Variants in NKAIN3 observed in about 807,000 individuals in gnomAD.
NKAIN3 encodes sodium/potassium transporting ATPase interacting 3.
In NKAIN3, 25 loss-of-function variants were observed where a neutral mutation model predicts 30.2. The observed-to-expected ratio is 0.83, with a 90% confidence interval of 0.60 to 1.16. NKAIN3 has a LOEUF of 1.16. Ranked by LOEUF, NKAIN3 falls within the 50% of genes most tolerant of loss-of-function variation. The pLI, the probability that NKAIN3 is intolerant of heterozygous loss-of-function variation, is 0.00. For synonymous variants in NKAIN3, 91 were observed against 89.6 expected (o/e 1.02, Z -0.09); for missense variants, 225 against 254.1 (o/e 0.89, Z 0.78).
intron 3 of NKAIN3, among the ~76,000 whole-genome samples, chr8:62,659,514 C>T (rs899256992): frequency 6.6e-6 from 1 of 152,192 alleles, no homozygotes; most frequent in Non-Finnish European, 1.5e-5. Flanking sequence ...GACATAGCAC[C>T]TCTGCTTTTG....
chr8:62,906,218 A>G (rs1821771852), intron 4 of NKAIN3, among the ~76,000 whole-genome samples: 1 of 152,230 alleles, frequency 6.6e-6, no homozygotes, highest in Non-Finnish European at 1.5e-5. Context: ...ACAGTAATAG[A>G]CTAATTTGTT....
chr8:62,963,781 G>A (rs553469097), intron 6 of NKAIN3, among the ~76,000 whole-genome samples: 2 of 152,308 alleles, frequency 1.3e-5, no homozygotes, highest in East Asian at 3.9e-4. Context: ...AGGCCTGGAG[G>A]ATTCCCACTC....
In NKAIN3 at chr8:62,270,814, T is replaced by A. The variant is rs1387043055; in HGVS notation, c.54+21687T>A. ...CACATGTAAGTGCGAGCATGTGGCA[T>A]TTGCGTTTCTGTGCCTAGCTCATTT... On this transcript the variant is annotated intron_variant, in intron 1 of 6. Coordinates refer to ENST00000623646, the MANE Select transcript of NKAIN3 (RefSeq NM_001304533.3). 1.5e-4 allele frequency among the ~76,000 whole-genome samples: 23 copies of A among 152,202 alleles called. 1 individual carries two copies. Among genetic ancestry groups the A allele is most frequent in the Middle Eastern group, 6.3e-3 (2 of 316 alleles).
chr8:62,268,127 T>C (rs1812663537), intron 1 of NKAIN3, among the ~76,000 whole-genome samples: 1 of 152,200 alleles, frequency 6.6e-6, no homozygotes, highest in East Asian at 1.9e-4. Context: ...TCAACAGTGG[T>C]AGGGCTCCCA....
intron 1 of NKAIN3, among the ~76,000 whole-genome samples, chr8:62,467,641 A>C (rs986685860): frequency 2.6e-5 from 4 of 152,218 alleles, no homozygotes; most frequent in African/African-American, 9.6e-5. Context: ...ATCATATAAA[A>C]TAGGTTGTGT....
intron 5 of NKAIN3, among the ~76,000 whole-genome samples, chr8:62,920,692 A>C (rs1822251908): frequency 6.6e-6 from 1 of 152,194 alleles, no homozygotes; most frequent in Non-Finnish European, 1.5e-5. Flanking sequence ...CTATTCTATT[A>C]GTGGTTTAAT....
intron 4 of NKAIN3, among the ~76,000 whole-genome samples, chr8:62,848,238 A>G (rs2130769281): frequency 6.6e-6 from 1 of 152,202 alleles, no homozygotes; most frequent in East Asian, 1.9e-4. Context: ...TAATGGGAGT[A>G]GCACTGAATC....
intron 5 of NKAIN3, among the ~76,000 whole-genome samples, chr8:62,998,809 C>T (rs1011302315): frequency 2.6e-5 from 4 of 152,070 alleles, no homozygotes; most frequent in African/African-American, 9.7e-5. Flanking sequence ...CATCACAATC[C>T]CACCACCTCA....
At chr8:62,861,280 A>C (rs1820231780) in intron 4 of NKAIN3, among the ~76,000 whole-genome samples, 1 of 152,224 alleles carries the variant, frequency 6.6e-6, no homozygotes, top group African/African-American at 2.4e-5. Flanking sequence ...ATGACTGAGT[A>C]ACTCCTCGAG....
chr8:62,533,457 A>G (rs972068971), intron 1 of NKAIN3, among the ~76,000 whole-genome samples: 25 of 150,742 alleles, frequency 1.7e-4, no homozygotes, highest in African/African-American at 6.1e-4. Flanking sequence ...GCTTAGCCCC[A>G]TGGCTGGGCA....
chr8:62,848,269 A>G (rs1819753382), intron 4 of NKAIN3, among the ~76,000 whole-genome samples: 1 of 152,218 alleles, frequency 6.6e-6, no homozygotes. Context: ...TTTGGGCAGT[A>G]TGGCCGTTTT....
intron 1 of NKAIN3, among the ~76,000 whole-genome samples, chr8:62,559,527 A>G (rs1047541983): frequency 6.6e-6 from 1 of 151,694 alleles, no homozygotes; most frequent in African/African-American, 2.4e-5. Flanking sequence ...TTACTTGGAC[A>G]TTTTTTAGAT....
At chr8:62,917,370 G>A (rs754343085) in intron 4 of NKAIN3, among the ~76,000 whole-genome samples, 1 of 152,174 alleles carries the variant, frequency 6.6e-6, no homozygotes, top group African/African-American at 2.4e-5. Flanking sequence ...CTGGGTGGGA[G>A]GAACCATCAG....
chr8:62,907,309 A>G (rs1252153470), intron 4 of NKAIN3, among the ~76,000 whole-genome samples: 2 of 152,200 alleles, frequency 1.3e-5, no homozygotes, highest in East Asian at 1.9e-4. Context: ...TAATAAAGAT[A>G]TGGTTTGGAA....
At chr8:62,508,758 G>A (rs1807724007) in intron 1 of NKAIN3, among the ~76,000 whole-genome samples, 1 of 152,064 alleles carries the variant, frequency 6.6e-6, no homozygotes, top group South Asian at 2.1e-4. Flanking sequence ...TGATAATTTA[G>A]CATGACATTT....
At chr8:62,773,373 A>G (rs979234930) in intron 4 of NKAIN3, among the ~76,000 whole-genome samples, 5 of 152,110 alleles carry the variant, frequency 3.3e-5, no homozygotes, top group African/African-American at 1.2e-4. Context: ...CTGTAGATGT[A>G]TAGATTTAAT....
At chr8:62,675,398 T>A (rs16929381) in intron 3 of NKAIN3, among the ~76,000 whole-genome samples, 31,375 of 152,226 alleles carry the variant, frequency 0.21, 3,490 homozygotes, top group East Asian at 0.35. Context: ...TAATGCTTTT[T>A]CTTATGGCCT....
chr8:62,464,891 T>C (rs1390413851), intron 1 of NKAIN3, among the ~76,000 whole-genome samples: 1 of 152,140 alleles, frequency 6.6e-6, no homozygotes, highest in Admixed American at 6.6e-5. Context: ...AAACTTACAA[T>C]TTATTTGCAA....
At chr8:62,931,560 G>A (rs1822619515) in intron 5 of NKAIN3, among the ~76,000 whole-genome samples, 1 of 152,112 alleles carries the variant, frequency 6.6e-6, no homozygotes, top group South Asian at 2.1e-4. Context: ...AAGCATCTCA[G>A]ACAACTTAAG....
Sources: allele counts gnomAD v4.1 joint callset (sites outside exome capture counted in the v4.1 genomes callset), GRCh38; gene constraint gnomAD v4.1.1; transcripts MANE v1.5; gene names NCBI Gene and HGNC (gene_info 2026-07-23, HGNC 2026-07-21).